MCTP1: variants seen among roughly 807,000 people sequenced by gnomAD.
MCTP1 encodes the protein multiple C2 and transmembrane domain-containing protein 1.
In MCTP1, 69 loss-of-function variants were observed where a neutral mutation model predicts 120.6. The observed-to-expected ratio is 0.57, with a 90% CI of 0.47 to 0.70. The LOEUF (loss-of-function observed/expected upper bound fraction) is 0.70, where lower values mean the gene tolerates loss of function less well. Ranked by LOEUF, MCTP1 falls within the 30% of genes least tolerant of loss-of-function variation. MCTP1 has a pLI of 0.00. For synonymous variants in MCTP1, 529 were observed against 493.1 expected, an observed-to-expected ratio of 1.07 and a Z score of -0.96; for missense variants, 1,203 against 1,248.8, an observed-to-expected ratio of 0.96 and a Z score of 0.55.
intron 2 of MCTP1, among the ~76,000 whole-genome samples, chr5:94,997,816 G>A (rs549549195): frequency 1.3e-5 from 2 of 152,060 alleles, no homozygotes; most frequent in South Asian, 2.1e-4. Context: ...CAAATTACAA[G>A]GGTAAAATCA....
chr5:95,186,895 T>C (rs1238591386), intron 1 of MCTP1, among the ~76,000 whole-genome samples: 12 of 152,142 alleles, frequency 7.9e-5, no homozygotes, highest in Non-Finnish European at 1.8e-4. Context: ...CAGTGGCTTT[T>C]AATAAAGATG....
At chr5:94,853,286 A>G (rs1286187266) in intron 17 of MCTP1, among the ~76,000 whole-genome samples, 4 of 152,000 alleles carry the variant, frequency 2.6e-5, no homozygotes, top group Non-Finnish European at 2.9e-5. Context: ...TCTAAATCAC[A>G]AAGACTTGGT....
In MCTP1 at chr5:94,909,399, A is replaced by C; in HGVS notation, c.1522-18T>G. 1 of 1,571,418 alleles carries C rather than the reference A, an allele frequency of 6.4e-7. No homozygotes were observed. The highest frequency in any genetic ancestry group is 2.3e-5 in the East Asian group (1 of 43,208). ...GGCATAATCTGGAAAAAAAAATCAT[A>C]ATTGTCATATTGCTAGCAGCTTTTT... On this transcript the variant is annotated intron_variant, in intron 9 of 22. Coordinates refer to ENST00000515393, the MANE Select transcript of MCTP1 (RefSeq NM_024717.7).
At position 94,961,292 on chromosome 5, in the gene MCTP1, G is replaced by C. The variant is rs1055835980; in HGVS notation, c.839-7931C>G. ...TGTTGGGGGGTGGGGGACAAGGGGA[G>C]GGATAGCATTAGGAGAAACAGCTAA... On this transcript the variant is annotated intron_variant, in intron 2 of 22. Transcript: ENST00000515393. Among the ~76,000 whole-genome samples, 5 of 152,048 alleles carry C rather than the reference G, an allele frequency of 3.3e-5. No individual in the cohort carries two copies. In the East Asian group the frequency reaches 9.7e-4, roughly 29 times the overall value.
intron 1 of MCTP1, among the ~76,000 whole-genome samples, chr5:95,054,260 T>C (rs1746771700): frequency 6.6e-6 from 1 of 152,180 alleles, no homozygotes; most frequent in South Asian, 2.1e-4. Flanking sequence ...CTAGCTTCAT[T>C]TCTCTAGAGG....
intron 1 of MCTP1, among the ~76,000 whole-genome samples, chr5:95,060,292 G>T (rs1187675228): frequency 6.6e-6 from 1 of 152,164 alleles, no homozygotes; most frequent in Non-Finnish European, 1.5e-5. Flanking sequence ...CTGGCTCTGT[G>T]TTAGCAGGGC....
At position 95,102,118 on chromosome 5, in the gene MCTP1, G is replaced by A. The variant is rs890759280; in HGVS notation, c.721-84634C>T. On this transcript the variant is annotated intron_variant, in intron 1 of 22. Transcript: ENST00000515393. ...TTTCCCTCCCCTTGAATGGAGGCTGGGCTTGTGGCTTGCCTTGAATGATAG... is the reference window on the plus strand; with the variant it reads ...TTTCCCTCCCCTTGAATGGAGGCTGAGCTTGTGGCTTGCCTTGAATGATAG... 2.0e-5 allele frequency among the ~76,000 whole-genome samples: 3 copies of A among 152,114 alleles called. No individual in the cohort carries two copies. In the South Asian group the frequency reaches 6.2e-4, roughly 32 times the overall value.
intron 9 of MCTP1, among the ~76,000 whole-genome samples, chr5:94,912,535 A>G (rs1377962582): frequency 1.3e-5 from 2 of 150,254 alleles, no homozygotes; most frequent in East Asian, 3.9e-4. Flanking sequence ...TATTGTTTTA[A>G]TCCACAGAGC....
In MCTP1 at chr5:94,909,348, C is replaced by T; in HGVS notation, c.1555G>A (p.Glu519Lys). ...TCATAAAGGTGAAAATCAAATTGTT[C>T]CCTCCACTGAGGATTCAACGTTTTT... ...MPKTLNPQWR[E>K]QFDFHLYEER... The change falls in exon 10 of 23, where the codon GAA (glutamate) becomes AAA (lysine). Residue 519 changes from glutamate to lysine, a missense_variant. Physicochemically the swap from Glu to Lys is moderately conservative, Grantham distance 56. This residue lies in a region of MCTP1 where 740 missense variants were observed against 871.1 expected (regional missense o/e 0.85). Coordinates refer to ENST00000515393, the MANE Select transcript of MCTP1 (RefSeq NM_024717.7). 1 of 1,608,488 alleles carries T rather than the reference C, an allele frequency of 6.2e-7. No individual in the cohort carries two copies. Among genetic ancestry groups the T allele is most frequent in the Non-Finnish European group, 8.5e-7 (1 of 1,177,844 alleles).
intron 1 of MCTP1, among the ~76,000 whole-genome samples, chr5:95,226,311 T>C (rs1165149023): frequency 6.6e-6 from 1 of 152,212 alleles, no homozygotes; most frequent in Non-Finnish European, 1.5e-5. Context: ...CTACGTTAAT[T>C]TTTTTAATTA....
chr5:94,837,313 T>C (rs1363858062), intron 17 of MCTP1, among the ~76,000 whole-genome samples: 1 of 152,042 alleles, frequency 6.6e-6, no homozygotes, highest in Non-Finnish European at 1.5e-5. Flanking sequence ...CCCAGGAGAT[T>C]GAAACTGCAG....
intron 6 of MCTP1, among the ~76,000 whole-genome samples, chr5:94,925,501 C>T (rs867535843): frequency 2.0e-5 from 3 of 151,980 alleles, no homozygotes; most frequent in African/African-American, 7.3e-5. Flanking sequence ...CTCCACCTCC[C>T]GGGTTCACGC....
intron 13 of MCTP1, 51 bp from the exon 14 acceptor site, chr5:94,871,468 C>A: frequency 7.7e-7 from 1 of 1,303,912 alleles, no homozygotes; most frequent in East Asian, 2.3e-5. Context: ...TAGGAAACAA[C>A]AACAAGAATA....
chr5:94,760,692 G>GTT (rs5869649), intron 19 of MCTP1, among the ~76,000 whole-genome samples: 1,571 of 145,482 alleles, frequency 0.011, 14 homozygotes, highest in African/African-American at 0.023. Flanking sequence ...CAACAAAATT[G>GTT]TTTTTTTTTT....
chr5:95,094,746 T>C (rs1170011371), intron 1 of MCTP1, among the ~76,000 whole-genome samples: 5 of 152,194 alleles, frequency 3.3e-5, no homozygotes, highest in Non-Finnish European at 7.3e-5. Flanking sequence ...TTCTGCTTTA[T>C]CACATGAAAG....
intron 13 of MCTP1, 62 bp from the exon 14 acceptor site, chr5:94,871,479 G>A: frequency 8.2e-7 from 1 of 1,214,022 alleles, no homozygotes. Flanking sequence ...AACAAGAATA[G>A]TTTTGAAAAT....
intron 1 of MCTP1, among the ~76,000 whole-genome samples, chr5:95,030,462 T>C (rs1840067182): frequency 6.6e-6 from 1 of 152,096 alleles, no homozygotes; most frequent in South Asian, 2.1e-4. Context: ...CTCCACACTC[T>C]CAGCCCCACA....
At chr5:95,105,810 C>T (rs1562147629) in intron 1 of MCTP1, among the ~76,000 whole-genome samples, 2 of 152,114 alleles carry the variant, frequency 1.3e-5, no homozygotes, top group Admixed American at 1.3e-4. Context: ...GGAATTCAGT[C>T]CCAAATGGGC....
intron 1 of MCTP1, among the ~76,000 whole-genome samples, chr5:95,133,033 A>T (rs1759166567): frequency 6.6e-6 from 1 of 152,126 alleles, no homozygotes. Context: ...AACCTGAAGA[A>T]CTCATAAAAA....
Sources: allele counts gnomAD v4.1 joint callset (sites outside exome capture counted in the v4.1 genomes callset), GRCh38; gene constraint gnomAD v4.1.1; regional missense constraint gnomAD v4.1.1; transcripts MANE v1.5; gene names NCBI Gene and HGNC (gene_info 2026-07-23, HGNC 2026-07-21).